Variants in CEP72 observed in about 807,000 individuals in gnomAD.
CEP72 encodes centrosomal protein of 72 kDa.
In CEP72, 78 loss-of-function variants were observed where a neutral mutation model predicts 65.7. The observed-to-expected ratio is 1.19, with a 90% CI of 0.99 to 1.43. CEP72 has a LOEUF of 1.43. Ranked by LOEUF, CEP72 falls within the 40% of genes most tolerant of loss-of-function variation. CEP72 has a pLI of 0.00. For missense variants in CEP72, 914 were observed against 832.9 expected, an observed-to-expected ratio of 1.10 and a Z score of -1.20; for synonymous variants, 358 against 351.7, an observed-to-expected ratio of 1.02 and a Z score of -0.20.
intron 11 of CEP72, among the ~76,000 whole-genome samples, chr5:652,047 G>A (rs1739141966): frequency 6.6e-6 from 1 of 152,182 alleles, no homozygotes; most frequent in Admixed American, 6.5e-5. Flanking sequence ...GGGCCAAGAG[G>A]AGATGCAGCG....
At chr5:665,919 G>GGCCCC in intron 3 of CEP72, 6 of 344,042 alleles carry the variant, frequency 1.7e-5, no homozygotes, top group Non-Finnish European at 2.4e-5. Flanking sequence ...CACCTTCCAG[G>GGCCCC]CCCCGCCCCC....
downstream of CEP72, among the ~76,000 whole-genome samples, chr5:658,699 C>G (rs936235481): frequency 1.1e-5 from 1 of 90,686 alleles, no homozygotes; most frequent in African/African-American, 4.2e-5. Flanking sequence ...GATGGAGTCT[C>G]GCTCTATTGC....
At chr5:617,303 G>A (rs1487543766) in intron 1 of CEP72, among the ~76,000 whole-genome samples, 1 of 152,158 alleles carries the variant, frequency 6.6e-6, no homozygotes, top group African/African-American at 2.4e-5. Context: ...GGTCTAATAT[G>A]CGGGAGGAGC....
At chr5:659,753 A>C (rs1290404450), downstream of CEP72, 1 of 152,432 alleles carries the variant, frequency 6.6e-6, no homozygotes, top group Non-Finnish European at 1.5e-5. Flanking sequence ...TGGCCCTGTG[A>C]GCTTCAGCCC....
intron 11 of CEP72, among the ~76,000 whole-genome samples, chr5:649,346 C>T (rs1318472063): frequency 1.2e-5 from 1 of 85,356 alleles, no homozygotes; most frequent in African/African-American, 5.6e-5. Flanking sequence ...GAGGCGTGGA[C>T]TGTGAGGCGT....
chr5:673,405 G>A, the CEP72 span, among the ~76,000 whole-genome samples: 1 of 152,136 alleles, frequency 6.6e-6, no homozygotes, highest in Non-Finnish European at 1.5e-5. Flanking sequence ...GAGAGGAGGA[G>A]GTGGGGGCAG....
chr5:649,664 CCTGTGAGGCGTGGA>C (rs1337296338), intron 11 of CEP72, among the ~76,000 whole-genome samples: 21 of 30,142 alleles, frequency 7.0e-4, no homozygotes, highest in Non-Finnish European at 8.7e-4. Context: ...GTGAGGTGTG[CCTGTGAGGCGTGGA>C]CTGTGAGGCG....
At chr5:629,147 T>C (rs1219807382) in intron 4 of CEP72, among the ~76,000 whole-genome samples, 1 of 152,252 alleles carries the variant, frequency 6.6e-6, no homozygotes, top group African/African-American at 2.4e-5. Context: ...TAACTGCCTT[T>C]GTTGGAAACA....
intron 4 of CEP72, 87 bp from the exon 5 acceptor site, chr5:633,674 CAGAGACCG>C: frequency 8.1e-6 from 10 of 1,230,978 alleles, no homozygotes; most frequent in Non-Finnish European, 8.2e-6. Context: ...CTGCTTCTCT[CAGAGACCG>C]TGCAGGAATT....
chr5:663,238 CAG>C (rs1188635567), intron 1 of CEP72: 2 of 152,144 alleles, frequency 1.3e-5, no homozygotes, highest in Admixed American at 1.3e-4. Context: ...ACCGCACATT[CAG>C]AGTTGTTTTC....
chr5:668,480 G>A (rs1012034338), downstream of CEP72, among the ~76,000 whole-genome samples: 15 of 151,642 alleles, frequency 9.9e-5, 1 homozygote, highest in South Asian at 6.2e-4. Context: ...CCGCGTGGGC[G>A]CCGTCAGGGA....
chr5:624,705 G>A lies in CEP72; in HGVS notation c.512+126G>A, dbSNP rs991821985. The stretch of plus-strand genomic sequence containing the variant: ...GGGCGGACACCAGGAGGGAGGAAGG[G>A]CAGAGCCTGCCTGGCGGGGACTCCG... On this transcript the variant is annotated intron_variant, in intron 4 of 11. Coordinates refer to ENST00000264935, the MANE Select transcript of CEP72 (RefSeq NM_018140.4). This position sits in a 1 kb window ranked among gnomAD's most constrained non-coding sequence, Gnocchi z 4.7. The A allele has an allele frequency of 3.8e-5, 27 of 715,708 alleles. 1 individual carries two copies. The East Asian group carries it at 7.0e-4, about 19-fold the overall frequency. The allele number at this position is 715,708 out of a possible 1,614,324, so 44.3% of individuals were successfully genotyped here. A position where few individuals can be genotyped will look rare whatever the true frequency, so the allele number is the denominator to read the frequency against.
intron 3 of CEP72, chr5:665,930 A>ACCCCCTCCAGGCCCCGCCCCCC: frequency 8.2e-6 from 1 of 121,892 alleles, no homozygotes; most frequent in African/African-American, 1.9e-4. Flanking sequence ...CCCCGCCCCC[A>ACCCCCTCCAGGCCCCGCCCCCC]CCCCCTCCAG....
intron 11 of CEP72, among the ~76,000 whole-genome samples, chr5:651,071 T>G (rs1359999871): frequency 1.6e-5 from 1 of 61,932 alleles, no homozygotes; most frequent in Non-Finnish European, 2.8e-5. Flanking sequence ...GACTGTGAGG[T>G]GTGACTGTGA....
At position 645,489 on chromosome 5, in the gene CEP72, C is replaced by T. The variant is rs1205730715; in HGVS notation, c.1666+1064C>T. On this transcript the variant is annotated intron_variant, in intron 10 of 11. Coordinates refer to ENST00000264935, the MANE Select transcript of CEP72 (RefSeq NM_018140.4). The surrounding 1 kb of genome is among the most constrained non-coding windows in gnomAD (Gnocchi z 4.0). ...AAAAAAAAAAAAACAGTTCCCTGCC[C>T]GGGAGAACTGTGTGTGTGGTTTGCT... Among the ~76,000 whole-genome samples, 1 of 151,900 alleles carries T rather than the reference C, an allele frequency of 6.6e-6. No individual in the cohort carries two copies. Among genetic ancestry groups the T allele is most frequent in the African/African-American group, 2.4e-5 (1 of 41,380 alleles).
chr5:640,288 T>C (rs1406273773), intron 8 of CEP72, 120 bp from the exon 9 acceptor site: 1 of 1,274,850 alleles, frequency 7.8e-7, no homozygotes, highest in Non-Finnish European at 1.1e-6. Flanking sequence ...CTTTCCCCTC[T>C]CCCTACCTGT....
In CEP72 at chr5:649,323, G is replaced by C. The variant is rs144956635; in HGVS notation, c.1778+1407G>C. On this transcript the variant is annotated intron_variant, in intron 11 of 11. Coordinates refer to ENST00000264935, the MANE Select transcript of CEP72 (RefSeq NM_018140.4). Reference sequence around the variant, plus strand: ...TGAGGCGTGACTGAGGCGTGACTGTGAGGCGTGACTGTGAGGCGTGGACTG... The same window carrying C: ...TGAGGCGTGACTGAGGCGTGACTGTCAGGCGTGACTGTGAGGCGTGGACTG... 9.8e-3 allele frequency among the ~76,000 whole-genome samples: 970 copies of C among 98,662 alleles called. 180 individuals carry two copies. Among genetic ancestry groups the C allele is most frequent in the Admixed American group, 0.019 (172 of 8,902 alleles). 64.7% of individuals were successfully genotyped at this position (98,662 alleles called of 152,430 possible).
Position 645,930 on chromosome 5 carries a change from C to T in CEP72, c.1666+1505C>T, listed in dbSNP as rs576706875. Among the ~76,000 whole-genome samples, 3 of 151,298 alleles carry T rather than the reference C, an allele frequency of 2.0e-5. No individual in the cohort carries two copies. Among genetic ancestry groups the T allele is most frequent in the South Asian group, 2.1e-4 (1 of 4,800 alleles). On this transcript the variant is annotated intron_variant, in intron 10 of 11. Transcript: ENST00000264935. The surrounding 1 kb of genome is among the most constrained non-coding windows in gnomAD (Gnocchi z 4.0). ...GTGGACGGTGAATTCGGCTTCGTTA[C>T]ACTGTGTGAGCGTCACTCCTGCTCC...
At chr5:622,281 A>C (rs1736441917) in intron 3 of CEP72, among the ~76,000 whole-genome samples, 1 of 152,190 alleles carries the variant, frequency 6.6e-6, no homozygotes, top group African/African-American at 2.4e-5. Context: ...TAACGATCAA[A>C]ACAATTTTTC....
Sources: allele counts gnomAD v4.1 joint callset (sites outside exome capture counted in the v4.1 genomes callset), GRCh38; gene constraint gnomAD v4.1.1; non-coding constraint Gnocchi (gnomAD v3.1); transcripts MANE v1.5; gene names NCBI Gene and HGNC (gene_info 2026-07-23, HGNC 2026-07-21).